Variants in PHF20L1 observed in about 807,000 individuals in gnomAD.
The protein encoded by PHF20L1 is PHD finger protein 20 like 1, also known as PHD finger protein 20-like protein 1.
In PHF20L1, 44 loss-of-function variants were observed where a neutral mutation model predicts 125.5. That is an observed-to-expected ratio of 0.35 (90% confidence interval 0.28 to 0.45). The LOEUF is 0.45. Among genes scored for constraint, PHF20L1 ranks in the 20% least tolerant of loss-of-function variants. PHF20L1 has a pLI of 1.00. For missense variants in PHF20L1, 1,012 were observed against 1,217.2 expected (o/e 0.83, Z 2.51); for synonymous variants, 380 against 403.1 (o/e 0.94, Z 0.69).
At chr8:132,788,679 T>G (rs1448788596) in intron 2 of PHF20L1, 2 of 152,098 alleles carry the variant, frequency 1.3e-5, no homozygotes, top group Admixed American at 1.3e-4. Flanking sequence ...ATTCCTTAAA[T>G]GCAAATGATG....
At chr8:132,776,998 G>A (rs1474726484) in intron 1 of PHF20L1, among the ~76,000 whole-genome samples, 1 of 152,100 alleles carries the variant, frequency 6.6e-6, no homozygotes, top group East Asian at 1.9e-4. Context: ...GAATGACCTA[G>A]GGATACATAG....
At chr8:132,828,817 T>G (rs1373356905) in intron 14 of PHF20L1, among the ~76,000 whole-genome samples, 2 of 151,990 alleles carry the variant, frequency 1.3e-5, no homozygotes, top group African/African-American at 2.4e-5. Context: ...ATACAGAGAT[T>G]AAAAAGAAAT....
Position 132,836,694 on chromosome 8 carries a change from G to A in PHF20L1, c.2064G>A (p.Met688Ile). 1 of 1,612,750 alleles carries A rather than the reference G, an allele frequency of 6.2e-7. No individual in the cohort carries two copies. Among genetic ancestry groups the A allele is most frequent in the Non-Finnish European group, 8.5e-7 (1 of 1,179,166 alleles). The change falls in exon 16 of 21, where the codon ATG becomes ATA. Residue 688 changes from methionine (M) to isoleucine (I), a missense_variant. Met to Ile is a conservative substitution (Grantham distance 10). Around this residue, in one of 7 missense-constraint regions of PHF20L1, gnomAD observed 320 missense variants for 293.8 expected, o/e 1.09. Coordinates refer to ENST00000395386, the MANE Select transcript of PHF20L1 (RefSeq NM_016018.5). ...LNEIVRCICE[M>I]DEENGFMIQC... ...AAATTGTGCGATGTATTTGTGAGAT[G>A]GATGAGGAGAATGGCTTCATGATCC...
Position 132,785,150 on chromosome 8 carries a change from G to T in PHF20L1, c.83+7239G>T, listed in dbSNP as rs144027274. ...GTTTTATTTGCTTATCTGACATTTG[G>T]TTGAAGTCCAGCCATCACGTATCAC... On this transcript the variant is annotated intron_variant, in intron 2 of 20. Transcript: ENST00000395386. 4.9e-4 allele frequency among the ~76,000 whole-genome samples: 75 copies of T among 152,232 alleles called. No individual in the cohort carries two copies. The East Asian group carries it at 0.013, about 26-fold the overall frequency.
At chr8:132,839,999 C>T (rs1181978979) in intron 18 of PHF20L1, among the ~76,000 whole-genome samples, 1 of 151,892 alleles carries the variant, frequency 6.6e-6, no homozygotes, top group Non-Finnish European at 1.5e-5. Context: ...ATGAAGGGAG[C>T]CTACAAACCG....
chr8:132,777,084 T>C (rs1288542007), intron 1 of PHF20L1, among the ~76,000 whole-genome samples: 5 of 152,226 alleles, frequency 3.3e-5, no homozygotes, highest in Non-Finnish European at 7.3e-5. Context: ...AATTGAAATA[T>C]AGTAGAAATA....
intron 2 of PHF20L1, among the ~76,000 whole-genome samples, chr8:132,781,914 C>A (rs1241527624): frequency 6.6e-6 from 1 of 152,156 alleles, no homozygotes; most frequent in Non-Finnish European, 1.5e-5. Context: ...AACATAACTC[C>A]TGAGTAGTGT....
At chr8:132,844,370 T>C (rs1310051557) in intron 20 of PHF20L1, 52 bp downstream of exon 20, 1 of 1,417,370 alleles carries the variant, frequency 7.1e-7, no homozygotes, top group East Asian at 2.3e-5. Flanking sequence ...TTATTGTTAC[T>C]ATGAAGAAGT....
chr8:132,820,831 T>C (rs1043344676), intron 12 of PHF20L1, among the ~76,000 whole-genome samples: 2 of 152,032 alleles, frequency 1.3e-5, no homozygotes, highest in African/African-American at 4.8e-5. Flanking sequence ...TGATAACTTA[T>C]TGTTTGTAAC....
intron 4 of PHF20L1, among the ~76,000 whole-genome samples, chr8:132,797,515 G>T (rs1354081887): frequency 1.3e-5 from 2 of 151,994 alleles, no homozygotes; most frequent in Non-Finnish European, 2.9e-5. Flanking sequence ...ACGGCCTGGT[G>T]TGCAAGCTGA....
intron 17 of PHF20L1, 31 bp downstream of exon 17, chr8:132,837,842 G>C (rs368555170): frequency 1.8e-5 from 27 of 1,479,720 alleles, no homozygotes; most frequent in Non-Finnish European, 2.5e-5. Flanking sequence ...CTGATTGCCA[G>C]GATGCCTCTA....
chr8:132,789,461 G>A (rs1831426637), intron 2 of PHF20L1, among the ~76,000 whole-genome samples: 1 of 152,178 alleles, frequency 6.6e-6, no homozygotes, highest in Non-Finnish European at 1.5e-5. Context: ...AATTCAGAAA[G>A]TGCCTCAAGA....
At chr8:132,790,268 G>A (rs777870803) in intron 2 of PHF20L1, among the ~76,000 whole-genome samples, 2 of 152,128 alleles carry the variant, frequency 1.3e-5, no homozygotes, top group Non-Finnish European at 2.9e-5. Context: ...GTTCAGCAGC[G>A]TTTTTTCTTC....
At chr8:132,795,941 T>C (rs1832338711) in intron 4 of PHF20L1, among the ~76,000 whole-genome samples, 1 of 152,102 alleles carries the variant, frequency 6.6e-6, no homozygotes, top group African/African-American at 2.4e-5. Flanking sequence ...AAATATCTTA[T>C]TGTGCTGTAC....
chr8:132,824,523 T>G (rs1228910401), intron 13 of PHF20L1: 1 of 156,684 alleles, frequency 6.4e-6, no homozygotes, highest in African/African-American at 2.4e-5. Flanking sequence ...ATACTGTAGA[T>G]TAGTTAACTG....
intron 4 of PHF20L1, 117 bp downstream of exon 4, chr8:132,794,934 G>A: frequency 1.5e-6 from 1 of 647,634 alleles, no homozygotes. Flanking sequence ...TATATTTTCT[G>A]TAAGTATTCT....
rs1268728422 is a variant in PHF20L1, at chr8:132,803,881, A to T, written c.570A>T (p.Lys190Asn). Reference protein sequence around the residue: ...AAAAKNKTGSKPRTSANSNKD... With the variant: ...AAAAKNKTGSNPRTSANSNKD... ...CAGCCAAGAACAAAACAGGGAGTAA[A>T]CCTCGAACCAGCGCTAACAGCAATA... The change falls in exon 7 of 21, where the codon AAA (lysine) becomes AAT (asparagine). Residue 190 changes from lysine to asparagine, a missense_variant. Physicochemically the swap from Lys to Asn is moderately conservative, Grantham distance 94 (BLOSUM62 0). Transcript: ENST00000395386. 3 of 1,610,522 alleles carry T rather than the reference A, an allele frequency of 1.9e-6. No homozygotes were observed. The African/African-American group carries it at 4.0e-5, about 22-fold the overall frequency.
At chr8:132,827,134 C>T (rs1031425391) in intron 14 of PHF20L1, among the ~76,000 whole-genome samples, 2 of 151,862 alleles carry the variant, frequency 1.3e-5, no homozygotes, top group East Asian at 1.9e-4. Context: ...GTGTGCCTTG[C>T]GCCTCACTCC....
intron 2 of PHF20L1, among the ~76,000 whole-genome samples, chr8:132,793,253 A>G (rs1001430692): frequency 2.0e-5 from 3 of 152,166 alleles, no homozygotes; most frequent in African/African-American, 7.2e-5. Context: ...AGAGCAACAT[A>G]TATTTGAGGA....
Sources: allele counts gnomAD v4.1 joint callset (sites outside exome capture counted in the v4.1 genomes callset), GRCh38; gene constraint gnomAD v4.1.1; regional missense constraint gnomAD v4.1.1; transcripts MANE v1.5; gene names NCBI Gene and HGNC (gene_info 2026-07-23, HGNC 2026-07-21).